RAB6A: variants seen among roughly 807,000 people sequenced by gnomAD.
The protein encoded by RAB6A is ras-related protein Rab-6A.
In RAB6A, 8 loss-of-function variants were observed where a neutral mutation model predicts 32.3. The ratio of observed to expected loss-of-function variants is 0.25; its 90% CI spans 0.15 to 0.45. The LOEUF is 0.45. RAB6A is among the 20% of genes least tolerant of loss of function. The pLI, the probability that RAB6A is intolerant of heterozygous loss-of-function variation, is 1.00. For missense variants in RAB6A, 104 were observed against 249.4 expected (o/e 0.42, Z 3.93); for synonymous variants, 73 against 82.1 (o/e 0.89, Z 0.60).
At chr11:73,721,321 T>C (rs1459427343) in intron 2 of RAB6A, among the ~76,000 whole-genome samples, 1 of 152,236 alleles carries the variant, frequency 6.6e-6, no homozygotes, top group East Asian at 1.9e-4. Context: ...TGATATATTG[T>C]CAACTGTCCT....
intron 6 of RAB6A, among the ~76,000 whole-genome samples, chr11:73,701,420 C>T (rs1945744134): frequency 6.6e-6 from 1 of 152,140 alleles, no homozygotes; most frequent in African/African-American, 2.4e-5. Context: ...TCCTGAATAC[C>T]AGCACAACTT....
rs1250088861 is a variant in RAB6A, at chr11:73,704,117, T to G, written c.495+3303A>C. 7 of 356,428 alleles carry G rather than the reference T, an allele frequency of 2.0e-5. No homozygotes were observed. The East Asian group carries it at 5.9e-4, about 30-fold the overall frequency. 22.1% of individuals were successfully genotyped at this position (356,428 alleles called of 1,614,324 possible). On this transcript the variant is annotated intron_variant, in intron 6 of 7. Transcript: ENST00000336083. ...CTAAAAATCGACCAGGCAGAGGGGC[T>G]CATACCTATAATCTCGAAATCTTCG...
At chr11:73,720,756 ACTT>A in intron 3 of RAB6A, 87 bp downstream of exon 3, 2 of 1,027,730 alleles carry the variant, frequency 1.9e-6, no homozygotes, top group Non-Finnish European at 3.0e-6. Flanking sequence ...TTTGCTAAGT[ACTT>A]CTTATGGTGA....
At chr11:73,735,859 A>C (rs1176519054) in intron 1 of RAB6A, among the ~76,000 whole-genome samples, 1 of 150,018 alleles carries the variant, frequency 6.7e-6, no homozygotes, top group African/African-American at 2.5e-5. Flanking sequence ...CAACCTCAAA[A>C]GTCTATTTGA....
At chr11:73,693,685 G>C (rs1020453477) in intron 6 of RAB6A, among the ~76,000 whole-genome samples, 4 of 151,384 alleles carry the variant, frequency 2.6e-5, no homozygotes, top group Non-Finnish European at 4.4e-5. Context: ...AGGGGTTCAA[G>C]ACCAGCCTAG....
chr11:73,687,950 C>T (rs376658994), intron 6 of RAB6A, among the ~76,000 whole-genome samples: 27 of 152,304 alleles, frequency 1.8e-4, no homozygotes, highest in African/African-American at 6.5e-4. Context: ...TTACCTTACT[C>T]ACTTTTTGTC....
intron 6 of RAB6A, among the ~76,000 whole-genome samples, chr11:73,701,896 T>C (rs1356916509): frequency 6.6e-6 from 1 of 152,114 alleles, no homozygotes; most frequent in Non-Finnish European, 1.5e-5. Flanking sequence ...TGCCTTGCCT[T>C]GGCCTCCCAA....
intron 1 of RAB6A, among the ~76,000 whole-genome samples, chr11:73,733,238 G>C (rs1273580257): frequency 2.0e-5 from 3 of 152,062 alleles, no homozygotes; most frequent in Admixed American, 1.3e-4. Context: ...GCCATCCCTT[G>C]CTGGAATTAA....
chr11:73,688,198 A>T (rs909861842), intron 6 of RAB6A, among the ~76,000 whole-genome samples: 3 of 152,228 alleles, frequency 2.0e-5, no homozygotes. Flanking sequence ...TTTCACTTTA[A>T]GGTTTTAATA....
intron 1 of RAB6A, chr11:73,759,922 ACCCCTTT>A: frequency 1.6e-6 from 1 of 627,806 alleles, no homozygotes; most frequent in Non-Finnish European, 2.4e-6. Flanking sequence ...TGCCGACGCT[ACCCCTTT>A]CACCCCCAAC....
intron 5 of RAB6A, 41 bp from the exon 6 acceptor site, chr11:73,707,554 G>T: frequency 7.2e-7 from 1 of 1,392,546 alleles, no homozygotes; most frequent in Admixed American, 1.7e-5. Context: ...TGAGACATGA[G>T]GCAGTATTAT....
intron 4 of RAB6A, among the ~76,000 whole-genome samples, chr11:73,717,404 C>A (rs1232548484): frequency 6.6e-6 from 1 of 152,182 alleles, no homozygotes; most frequent in Non-Finnish European, 1.5e-5. Context: ...CTGGGCTGGG[C>A]ACAATGGTTC....
intron 5 of RAB6A, among the ~76,000 whole-genome samples, chr11:73,713,371 C>A (rs995771276): frequency 1.3e-5 from 2 of 152,136 alleles, no homozygotes; most frequent in Non-Finnish European, 2.9e-5. Flanking sequence ...GAGATCAAGA[C>A]CATCCTGGCT....
intron 2 of RAB6A, chr11:73,722,303 G>GTATATATATA (rs1565364731): frequency 7.2e-5 from 1 of 13,914 alleles, no homozygotes; most frequent in African/African-American, 2.1e-4. Context: ...ATATGTGTGT[G>GTATATATATA]TGTATATATA....
chr11:73,694,637 C>G (rs1281720146), intron 6 of RAB6A, among the ~76,000 whole-genome samples: 1 of 152,134 alleles, frequency 6.6e-6, no homozygotes, highest in Admixed American at 6.6e-5. Flanking sequence ...CTTTGGGAGG[C>G]CAAGATGGGA....
At chr11:73,702,340 T>A (rs7104603) in intron 6 of RAB6A, among the ~76,000 whole-genome samples, 73,967 of 151,892 alleles carry the variant, frequency 0.49, 19,252 homozygotes, top group East Asian at 0.6. Flanking sequence ...TTCAAAAAAA[T>A]TTTTCTACTT....
chr11:73,759,944 CCA>C, intron 1 of RAB6A: 1 of 1,066,640 alleles, frequency 9.4e-7, no homozygotes, highest in South Asian at 1.4e-5. Context: ...CCCAACCACC[CCA>C]TGCTCAAGTC....
rs530409741 is a variant in RAB6A at position 73,746,680 on chromosome 11, C to A, written c.70+13886G>T. ...AGCTATGGTGAGAGGATTGCCTAAG[C>A]CCAGGAGACTGAGGCTGCAGTGAGC... On this transcript the variant is annotated intron_variant, in intron 1 of 7. Transcript: ENST00000336083. 2.0e-5 allele frequency among the ~76,000 whole-genome samples: 3 copies of A among 151,958 alleles called. No individual in the cohort carries two copies. In the South Asian group the frequency reaches 6.2e-4, roughly 32 times the overall value.
chr11:73,745,577 T>C (rs551123233), intron 1 of RAB6A, among the ~76,000 whole-genome samples: 1 of 152,140 alleles, frequency 6.6e-6, no homozygotes, highest in Non-Finnish European at 1.5e-5. Flanking sequence ...AAACCTTGTC[T>C]CTATTAAAAA....
Sources: allele counts gnomAD v4.1 joint callset (sites outside exome capture counted in the v4.1 genomes callset), GRCh38; gene constraint gnomAD v4.1.1; transcripts MANE v1.5; gene names NCBI Gene and HGNC (gene_info 2026-07-23, HGNC 2026-07-21).